The following SH2D4B variants were observed in gnomAD, a reference collection of about 807,000 sequenced individuals.
The protein encoded by SH2D4B is SH2 domain-containing protein 4B.
Under a neutral mutation model 61.5 loss-of-function variants are expected in SH2D4B, and 45 were observed. The observed-to-expected ratio is 0.73, with a 90% CI of 0.58 to 0.94. The LOEUF (loss-of-function observed/expected upper bound fraction) is 0.94. Among genes scored for constraint, SH2D4B ranks in the 40% least tolerant of loss-of-function variants. SH2D4B has a pLI of 0.00. For synonymous variants in SH2D4B, 224 were observed against 220.4 expected (o/e 1.02, Z -0.14); for missense variants, 572 against 574.2 (o/e 1.00, Z 0.04).
At chr10:80,574,723 G>T (rs138404440) in intron 3 of SH2D4B, among the ~76,000 whole-genome samples, 1 of 151,766 alleles carries the variant, frequency 6.6e-6, no homozygotes, top group South Asian at 2.1e-4. Context: ...TGTTTGAGAC[G>T]GAGTTTCGCT....
At chr10:80,553,072 C>A (rs971100365) in intron 1 of SH2D4B, among the ~76,000 whole-genome samples, 2 of 152,262 alleles carry the variant, frequency 1.3e-5, no homozygotes, top group Non-Finnish European at 2.9e-5. Flanking sequence ...CCCGCCACCA[C>A]ACCTGGCTAA....
At chr10:80,574,934 C>T (rs914428355) in intron 3 of SH2D4B, among the ~76,000 whole-genome samples, 2 of 151,972 alleles carry the variant, frequency 1.3e-5, no homozygotes, top group African/African-American at 2.4e-5. Context: ...CTCCTGACCT[C>T]AAGTGATCCA....
chr10:80,589,121 A>G (rs1258545533), intron 4 of SH2D4B, among the ~76,000 whole-genome samples: 1 of 151,582 alleles, frequency 6.6e-6, no homozygotes, highest in Non-Finnish European at 1.5e-5. Context: ...CTCCTGCCTC[A>G]GCCTCCCAAG....
chr10:80,588,800 G>T lies in SH2D4B; in HGVS notation c.643+23G>T, dbSNP rs758353474. The T allele has an allele frequency of 2.5e-6, 4 of 1,612,958 alleles. No homozygotes were observed. In the South Asian group the frequency reaches 4.4e-5, roughly 18 times the overall value. ...AGTGTGAGTAGAGCTTGTGCCTCAG[G>T]CAGGGAGACCAGTCCCGCCTCCCCA... On this transcript the variant is annotated intron_variant, in intron 4 of 7. Transcript: ENST00000646907.
At chr10:80,638,729 A>C (rs929929568) in intron 7 of SH2D4B, among the ~76,000 whole-genome samples, 8 of 152,168 alleles carry the variant, frequency 5.3e-5, no homozygotes, top group African/African-American at 1.9e-4. Flanking sequence ...GATCTTTTCA[A>C]AAAACCAGCT....
In SH2D4B at chr10:80,603,788, C is replaced by A; in HGVS notation, c.853C>A (p.Pro285Thr). ...GGGTCTGCCGCAGCCCCTTGCCCTG[C>A]CGGTCAGGTGGGTCCAGGCTCCGTG... The part of the protein sequence containing the change: ...DPGLPQPLAL[P>T]VSRTWERPLR... Residue 285 changes from proline (P) to threonine (T), a missense_variant, in exon 5 of 8, where the codon CCG (proline) becomes ACG (threonine). Pro to Thr is a conservative substitution (Grantham distance 38). Coordinates refer to ENST00000646907, the MANE Select transcript of SH2D4B (RefSeq NM_001388272.1). 2 of 1,609,054 alleles carry A rather than the reference C, an allele frequency of 1.2e-6. No homozygotes were observed. The highest frequency in any genetic ancestry group is 1.7e-6 in the Non-Finnish European group (2 of 1,179,018).
chr10:80,627,566 T>G, intron 6 of SH2D4B, among the ~76,000 whole-genome samples: 1 of 151,894 alleles, frequency 6.6e-6, no homozygotes, highest in East Asian at 1.9e-4. Context: ...CTCCCTTAGG[T>G]GCAGCCACAG....
intron 1 of SH2D4B, among the ~76,000 whole-genome samples, chr10:80,550,000 T>G (rs961015991): frequency 1.3e-5 from 2 of 151,700 alleles, no homozygotes; most frequent in African/African-American, 2.4e-5. Context: ...AATAATTAAT[T>G]GTCAGCTTTG....
At chr10:80,572,052 G>A (rs1055317207) in intron 3 of SH2D4B, among the ~76,000 whole-genome samples, 1 of 151,966 alleles carries the variant, frequency 6.6e-6, no homozygotes, top group Non-Finnish European at 1.5e-5. Flanking sequence ...GATTACAGGC[G>A]TGAGCCACTG....
chr10:80,582,891 G>C lies in SH2D4B; in HGVS notation c.496-5739G>C, dbSNP rs558048502. 3.3e-5 allele frequency among the ~76,000 whole-genome samples: 5 copies of C among 152,250 alleles called. No individual in the cohort carries two copies. The East Asian group carries it at 9.7e-4, about 29-fold the overall frequency. On this transcript the variant is annotated intron_variant, in intron 3 of 7. Transcript: ENST00000646907. ...ATACCACCCAGGAAGGACAGAGAAG[G>C]CACTGAATAATCTCAGAGGAGGGGC...
intron 5 of SH2D4B, among the ~76,000 whole-genome samples, chr10:80,605,454 T>A (rs1177171398): frequency 6.6e-6 from 1 of 152,222 alleles, no homozygotes; most frequent in Non-Finnish European, 1.5e-5. Flanking sequence ...TTTTTGATTT[T>A]CATATGAAAT....
intron 1 of SH2D4B, among the ~76,000 whole-genome samples, chr10:80,567,056 T>A (rs566594046): frequency 6.6e-6 from 1 of 152,338 alleles, no homozygotes; most frequent in South Asian, 2.1e-4. Flanking sequence ...CAGTTTGATG[T>A]GGGTTGGATA....
chr10:80,586,180 G>A (rs545252160), intron 3 of SH2D4B, among the ~76,000 whole-genome samples: 4 of 152,094 alleles, frequency 2.6e-5, no homozygotes, highest in Non-Finnish European at 4.4e-5. Flanking sequence ...CTCCTGTGCC[G>A]CCGAGCCTCC....
intron 3 of SH2D4B, among the ~76,000 whole-genome samples, 198 bp downstream of exon 3, chr10:80,571,776 C>A (rs76013814): frequency 2.9e-5 from 4 of 135,640 alleles, no homozygotes; most frequent in East Asian, 4.6e-4. Context: ...TTTTTTTTTT[C>A]TTTTTTTTTT....
At chr10:80,574,475 G>A (rs1842100499) in intron 3 of SH2D4B, among the ~76,000 whole-genome samples, 1 of 152,028 alleles carries the variant, frequency 6.6e-6, no homozygotes, top group African/African-American at 2.4e-5. Context: ...TTTAATATTC[G>A]TTGTTGCTAT....
chr10:80,546,758 A>G (rs1841686353), intron 1 of SH2D4B, among the ~76,000 whole-genome samples: 2 of 148,186 alleles, frequency 1.3e-5, no homozygotes, highest in Non-Finnish European at 3.0e-5. Context: ...CAATCTCCTG[A>G]CCTCATGATC....
At chr10:80,620,791 C>T (rs1038641123) in intron 6 of SH2D4B, among the ~76,000 whole-genome samples, 2 of 152,198 alleles carry the variant, frequency 1.3e-5, no homozygotes, top group Admixed American at 1.3e-4. Context: ...TTATCAAGCT[C>T]TCAGCACAGT....
chr10:80,553,512 G>T (rs568784088), intron 1 of SH2D4B, among the ~76,000 whole-genome samples: 1 of 152,204 alleles, frequency 6.6e-6, no homozygotes, highest in Non-Finnish European at 1.5e-5. Context: ...GGGCGTTGTG[G>T]ATTTCCCAAT....
intron 1 of SH2D4B, among the ~76,000 whole-genome samples, chr10:80,546,432 G>T (rs1465009882): frequency 6.6e-6 from 1 of 151,448 alleles, no homozygotes; most frequent in African/African-American, 2.4e-5. Flanking sequence ...GCATTTACTT[G>T]GTGTATATTT....
Sources: gnomAD v4.1 joint callset for allele counts (sites outside exome capture counted in the v4.1 genomes callset) on GRCh38, gnomAD v4.1.1 for gene constraint, MANE v1.5 for transcripts, NCBI Gene and HGNC (gene_info 2026-07-23, HGNC 2026-07-21) for gene names.